DPP6: variants seen among roughly 807,000 people sequenced by gnomAD.
DPP6 encodes the protein dipeptidyl peptidase like 6.
Under a neutral mutation model 122.6 loss-of-function variants are expected in DPP6, and 69 were observed. That is an observed-to-expected ratio of 0.56 (90% confidence interval 0.46 to 0.69). The LOEUF (loss-of-function observed/expected upper bound fraction) is 0.69. Ranked by LOEUF, DPP6 falls within the 30% of genes least tolerant of loss-of-function variation. The probability of loss-of-function intolerance (pLI) is 0.00; values close to 1 mark genes in which losing one functional copy is unlikely to be tolerated. For synonymous variants in DPP6, 418 were observed against 433.1 expected, an observed-to-expected ratio of 0.97 and a Z score of 0.43; for missense variants, 928 against 1,116.9, an observed-to-expected ratio of 0.83 and a Z score of 2.41.
At chr7:154,143,620 C>T (rs1795951211) in intron 1 of DPP6, among the ~76,000 whole-genome samples, 2 of 152,222 alleles carry the variant, frequency 1.3e-5, no homozygotes, top group South Asian at 4.1e-4. Flanking sequence ...TATAGTCCAA[C>T]TTAGCTCTAT....
chr7:154,844,609 G>C (rs1011436866), intron 16 of DPP6, among the ~76,000 whole-genome samples: 13 of 152,196 alleles, frequency 8.5e-5, no homozygotes, highest in Admixed American at 8.5e-4. Context: ...TGAGGCCTGT[G>C]GTGGTCCTAC....
At chr7:154,145,524 A>G (rs1164109904) in intron 1 of DPP6, among the ~76,000 whole-genome samples, 2 of 151,836 alleles carry the variant, frequency 1.3e-5, no homozygotes, top group East Asian at 3.9e-4. Context: ...AAGATAATGC[A>G]TTTGCATTGT....
At chr7:153,994,297 C>T (rs1797330440) in intron 1 of DPP6, among the ~76,000 whole-genome samples, 1 of 151,872 alleles carries the variant, frequency 6.6e-6, no homozygotes, top group South Asian at 2.1e-4. Context: ...ACTCCTCTGC[C>T]TAGCCATGGT....
At chr7:154,550,804 G>A (rs1490992441) in intron 4 of DPP6, among the ~76,000 whole-genome samples, 1 of 145,250 alleles carries the variant, frequency 6.9e-6, no homozygotes, top group African/African-American at 2.6e-5. Context: ...AAGCTGGAGT[G>A]CAATGGCGCG....
intron 7 of DPP6, among the ~76,000 whole-genome samples, chr7:154,687,383 A>G (rs1408054955): frequency 2.0e-5 from 3 of 152,124 alleles, no homozygotes; most frequent in African/African-American, 7.2e-5. Flanking sequence ...CATTTTGCTC[A>G]TGTTTTCTGG....
chr7:153,899,433 T>C (rs556064255), intron 1 of DPP6, among the ~76,000 whole-genome samples: 7 of 152,190 alleles, frequency 4.6e-5, no homozygotes, highest in Non-Finnish European at 1.0e-4. Context: ...GACAGAGGAA[T>C]GCAATGGATC....
intron 1 of DPP6, among the ~76,000 whole-genome samples, chr7:154,086,895 A>G (rs144176489): frequency 6.6e-6 from 1 of 152,246 alleles, no homozygotes; most frequent in Non-Finnish European, 1.5e-5. Flanking sequence ...GCCTACTTGT[A>G]TATTGCTAAG....
At chr7:153,994,877 T>G (rs1797352219) in intron 1 of DPP6, among the ~76,000 whole-genome samples, 3 of 152,230 alleles carry the variant, frequency 2.0e-5, no homozygotes, top group African/African-American at 4.8e-5. Flanking sequence ...GAAGATGCTT[T>G]TGGGCCTTTT....
At chr7:154,063,118 G>GTT (rs1482135409) in intron 1 of DPP6, among the ~76,000 whole-genome samples, 2 of 119,690 alleles carry the variant, frequency 1.7e-5, no homozygotes, top group Admixed American at 8.5e-5. Context: ...CCATCGCAGG[G>GTT]GGGGAGGCAC....
chr7:154,787,761 A>T (rs1056699697), intron 10 of DPP6, among the ~76,000 whole-genome samples: 12 of 152,198 alleles, frequency 7.9e-5, no homozygotes, highest in African/African-American at 2.9e-4. Context: ...GCCATTATGA[A>T]GGTTAAATAT....
intron 1 of DPP6, among the ~76,000 whole-genome samples, chr7:153,890,590 T>G: frequency 6.6e-6 from 1 of 152,098 alleles, no homozygotes. Context: ...AGCTAGAGGA[T>G]TAAGAGAAGG....
At chr7:154,201,754 T>C (rs1043486538) in intron 1 of DPP6, among the ~76,000 whole-genome samples, 1 of 152,164 alleles carries the variant, frequency 6.6e-6, no homozygotes, top group Non-Finnish European at 1.5e-5. Flanking sequence ...CATGGTTCTA[T>C]TGAAAGGAAA....
At chr7:154,843,647 T>C (rs1377652884) in intron 16 of DPP6, among the ~76,000 whole-genome samples, 3 of 152,154 alleles carry the variant, frequency 2.0e-5, no homozygotes, top group Admixed American at 6.5e-5. Flanking sequence ...ACCAGGCAGA[T>C]AGTAGGAAAA....
At chr7:154,390,100 C>A (rs10808011) in intron 1 of DPP6, among the ~76,000 whole-genome samples, 84,901 of 152,154 alleles carry the variant, frequency 0.56, 27,173 homozygotes, top group Non-Finnish European at 0.7. Flanking sequence ...CCTGTTTATT[C>A]ATTAATTGAA....
rs1586586776 is a variant in DPP6 at position 154,543,658 on chromosome 7, T to C, written c.552+3032T>C. On this transcript the variant is annotated intron_variant, in intron 4 of 25. Coordinates refer to ENST00000377770, the MANE Select transcript of DPP6 (RefSeq NM_130797.4). ...CATCCTTTATTGTGCTTTTAAATGG[T>C]AGAAATCATGAAATATTTCACAATA... Among the ~76,000 whole-genome samples, 3 of 152,312 alleles carry C rather than the reference T, an allele frequency of 2.0e-5. No homozygotes were observed. The South Asian group carries it at 6.2e-4, about 32-fold the overall frequency.
chr7:154,846,420 G>A (rs79629812), intron 16 of DPP6, among the ~76,000 whole-genome samples: 2,647 of 152,236 alleles, frequency 0.017, 60 homozygotes, highest in African/African-American at 0.06. Context: ...GCATCCTGGA[G>A]GATAGCCCAG....
intron 2 of DPP6, among the ~76,000 whole-genome samples, chr7:154,448,733 G>A (rs1244853042): frequency 6.6e-6 from 1 of 152,144 alleles, no homozygotes; most frequent in African/African-American, 2.4e-5. Context: ...ATGGATCAAT[G>A]GAATAGAATT....
intron 6 of DPP6, among the ~76,000 whole-genome samples, chr7:154,662,295 C>T (rs1360787873): frequency 3.4e-5 from 5 of 145,228 alleles, no homozygotes; most frequent in African/African-American, 1.3e-4. Flanking sequence ...CATATTGGCG[C>T]TAGTGTTCAT....
intron 1 of DPP6, among the ~76,000 whole-genome samples, chr7:154,385,619 C>A (rs1452256888): frequency 6.6e-6 from 1 of 152,174 alleles, no homozygotes; most frequent in Non-Finnish European, 1.5e-5. Flanking sequence ...GGTTCAGCTG[C>A]AACCCTGGCT....
Sources: allele counts gnomAD v4.1 joint callset (sites outside exome capture counted in the v4.1 genomes callset), GRCh38; gene constraint gnomAD v4.1.1; transcripts MANE v1.5; gene names NCBI Gene and HGNC (gene_info 2026-07-23, HGNC 2026-07-21).